The following RECQL5 variants were observed in gnomAD, a reference collection of about 807,000 sequenced individuals.
RECQL5 encodes RecQ like helicase 5.
Under a neutral mutation model 103.4 loss-of-function variants are expected in RECQL5, and 88 were observed. The observed-to-expected ratio is 0.85, with a 90% CI of 0.72 to 1.02. RECQL5 has a LOEUF of 1.02. Ranked by LOEUF, RECQL5 falls within the 50% of genes least tolerant of loss-of-function variation. The pLI is 0.00. For synonymous variants in RECQL5, 552 were observed against 507.9 expected (o/e 1.09, Z -1.17); for missense variants, 1,232 against 1,284.3 (o/e 0.96, Z 0.62).
At chr17:75,632,758 G>A (rs1017096832) in intron 8 of RECQL5, among the ~76,000 whole-genome samples, 41 of 152,362 alleles carry the variant, frequency 2.7e-4, no homozygotes, top group Non-Finnish European at 5.7e-4. Context: ...GCTCTCTCAG[G>A]CTCCTTATAA....
chr17:75,659,453 C>T (rs1446413558), intron 6 of RECQL5, among the ~76,000 whole-genome samples: 1 of 152,208 alleles, frequency 6.6e-6, no homozygotes. Flanking sequence ...AACCCCCGGC[C>T]TCAAGCAATC....
intron 7 of RECQL5, among the ~76,000 whole-genome samples, chr17:75,657,900 T>TATTTCTACTAAAAATACA (rs1467745905): frequency 1.5e-4 from 23 of 151,828 alleles, no homozygotes; most frequent in African/African-American, 5.3e-4. Flanking sequence ...ATACAAGAAT[T>TATTTCTACTAAAAATACA]AGCTGGGCAT....
At chr17:75,630,715 G>C in intron 12 of RECQL5, 23 bp from the exon 13 acceptor site, 1 of 1,611,188 alleles carries the variant, frequency 6.2e-7, no homozygotes. Context: ...AGTGAGACTG[G>C]TCGCATGGCC....
At chr17:75,627,741 C>G in intron 18 of RECQL5, 49 bp from the exon 19 acceptor site, 1 of 1,533,936 alleles carries the variant, frequency 6.5e-7, no homozygotes, top group Non-Finnish European at 8.9e-7. Context: ...CCTTGGTGGC[C>G]GGGCGCAGTG....
chr17:75,650,543 C>A, intron 8 of RECQL5: 1 of 1,502,644 alleles, frequency 6.7e-7, no homozygotes, highest in Non-Finnish European at 9.0e-7. Context: ...ATCACGTCAG[C>A]GTCATCCGAC....
rs186979543 is a variant in RECQL5 at position 75,638,907 on chromosome 17, C to T, written c.1230-7239G>A. On this transcript the variant is annotated intron_variant, in intron 8 of 19. Coordinates refer to ENST00000317905, the MANE Select transcript of RECQL5 (RefSeq NM_004259.7). ...CTGCCATCTTGCTCCTGAAGGGCTA[C>T]GAGGCAGAAGAGGGGGCAAGGTCTA... The T allele has an allele frequency of 8.8e-4, 134 of 152,394 alleles. 1 individual carries two copies. In the South Asian group the frequency reaches 0.017, roughly 20 times the overall value. The allele number at this position is 152,394 out of a possible 1,614,324, so 9.4% of individuals were successfully genotyped here.
chr17:75,644,625 C>T (rs1015441339), intron 8 of RECQL5, among the ~76,000 whole-genome samples: 8 of 152,094 alleles, frequency 5.3e-5, no homozygotes, highest in South Asian at 4.2e-4. Context: ...AATAAAGCCA[C>T]GGATACAAGA....
In RECQL5 at chr17:75,629,534, G is replaced by A. The variant is rs555886205; in HGVS notation, c.1948-59C>T. On this transcript the variant is annotated intron_variant, in intron 15 of 19. Coordinates refer to ENST00000317905, the MANE Select transcript of RECQL5 (RefSeq NM_004259.7). Reference sequence around the variant, plus strand: ...CCCACTAGGCCCCCTTGAGGGCACCGCTGGCTGGAGCAGTAACTCACATTG... The same window carrying A: ...CCCACTAGGCCCCCTTGAGGGCACCACTGGCTGGAGCAGTAACTCACATTG... 1.8e-5 allele frequency: 27 copies of A among 1,496,036 alleles called. No homozygotes were observed. In the South Asian group the frequency reaches 2.2e-4, roughly 12 times the overall value. 92.7% of individuals were successfully genotyped at this position (1,496,036 alleles called of 1,614,324 possible). A position where few individuals can be genotyped will look rare whatever the true frequency, so the allele number is the denominator to read the frequency against.
At position 75,630,851 on chromosome 17, in the gene RECQL5, G is replaced by A. The variant is rs763076036; in HGVS notation, c.1586-14C>T. On this transcript the variant is annotated splice_polypyrimidine_tract_variant and intron_variant, in intron 11 of 19. Coordinates refer to ENST00000317905, the MANE Select transcript of RECQL5 (RefSeq NM_004259.7). ...GACAGTTCTCATCTGTGGGGGGGGG[G>A]GGTGGTCCTTGGTCCTTTCGCTCCA... 12 of 1,448,000 alleles carry A rather than the reference G, an allele frequency of 8.3e-6. No homozygotes were observed. The highest frequency in any genetic ancestry group is 1.1e-5 in the Non-Finnish European group (12 of 1,072,784). 89.7% of individuals were successfully genotyped at this position (1,448,000 alleles called of 1,614,324 possible).
chr17:75,627,235 A>C lies in RECQL5; in HGVS notation c.*187T>G. 1.5e-6 allele frequency: 1 copy of C among 672,686 alleles called. No homozygotes were observed. The highest frequency in any genetic ancestry group is 2.7e-6 in the Non-Finnish European group (1 of 368,724). 41.7% of individuals were successfully genotyped at this position (672,686 alleles called of 1,614,324 possible). A position where few individuals can be genotyped will look rare whatever the true frequency, so the allele number is the denominator to read the frequency against. On this transcript the variant is annotated 3_prime_UTR_variant, in exon 20 of 20. Transcript: ENST00000317905. The stretch of plus-strand genomic sequence containing the variant: ...AGAAGGGTCTATAGGCTTTGCAAGC[A>C]GAAAGAAAGGTGGGCTGACCTCTGA...
At chr17:75,635,871 T>G in intron 8 of RECQL5, 3 of 985,204 alleles carry the variant, frequency 3.0e-6, no homozygotes, top group Middle Eastern at 1.0e-3. Context: ...GGGGTTGGAG[T>G]ATCAGCTCTG....
intron 7 of RECQL5, among the ~76,000 whole-genome samples, chr17:75,657,973 G>A (rs542194691): frequency 3.3e-5 from 5 of 152,106 alleles, no homozygotes; most frequent in African/African-American, 4.8e-5. Flanking sequence ...GCTTGAACCC[G>A]GGAGGCGGAG....
chr17:75,664,698 A>C (rs2148348061), intron 3 of RECQL5, among the ~76,000 whole-genome samples: 1 of 152,230 alleles, frequency 6.6e-6, no homozygotes, highest in African/African-American at 2.4e-5. Flanking sequence ...GGATCATTTG[A>C]GGTCAGGAGT....
intron 3 of RECQL5, 134 bp from the exon 4 acceptor site, chr17:75,663,131 G>T: frequency 1.2e-6 from 1 of 866,060 alleles, no homozygotes; most frequent in Non-Finnish European, 1.8e-6. Flanking sequence ...CATAGAAGTA[G>T]TAGAGGTTGA....
At chr17:75,658,861 T>C (rs544890300) in intron 6 of RECQL5, among the ~76,000 whole-genome samples, 8 of 152,308 alleles carry the variant, frequency 5.3e-5, no homozygotes, top group African/African-American at 1.7e-4. Flanking sequence ...CCAGTTTATA[T>C]ATGTCTCATT....
rs1297449734 is a variant in RECQL5, at chr17:75,640,467, C to G, written c.1230-8799G>C. 1.5e-6 allele frequency: 2 copies of G among 1,329,696 alleles called. No individual in the cohort carries two copies. The highest frequency in any genetic ancestry group is 2.0e-6 in the Non-Finnish European group (2 of 999,326). The allele number at this position is 1,329,696 out of a possible 1,614,324, so 82.4% of individuals were successfully genotyped here. A position where few individuals can be genotyped will look rare whatever the true frequency, so the allele number is the denominator to read the frequency against. On this transcript the variant is annotated intron_variant, in intron 8 of 19. Transcript: ENST00000317905. This position sits in a 1 kb window ranked among gnomAD's most constrained non-coding sequence, Gnocchi z 4.6. Reference sequence around the variant, plus strand: ...AAAACCAGTTGTCCCTTGGGGGAAGCCAAGGGACTTCCCTCATCCTCTGAT... The same window carrying G: ...AAAACCAGTTGTCCCTTGGGGGAAGGCAAGGGACTTCCCTCATCCTCTGAT...
chr17:75,664,010 C>T (rs894140396), intron 3 of RECQL5, among the ~76,000 whole-genome samples: 28 of 147,488 alleles, frequency 1.9e-4, no homozygotes, highest in Non-Finnish European at 3.4e-4. Context: ...GCCGAGAACA[C>T]GCCATTGCAC....
intron 8 of RECQL5, chr17:75,633,285 C>T (rs1028536313): frequency 8.8e-6 from 4 of 454,716 alleles, no homozygotes; most frequent in South Asian, 2.1e-5. Context: ...GTTTTGTGCT[C>T]GGACTCAAAG....
intron 17 of RECQL5, 77 bp from the exon 18 acceptor site, chr17:75,628,519 C>T: frequency 2.6e-6 from 4 of 1,547,106 alleles, no homozygotes; most frequent in Non-Finnish European, 3.5e-6. Context: ...AAGACTGGGT[C>T]CCCGCACCAG....
Sources: allele counts gnomAD v4.1 joint callset (sites outside exome capture counted in the v4.1 genomes callset), GRCh38; gene constraint gnomAD v4.1.1; non-coding constraint Gnocchi (gnomAD v3.1); transcripts MANE v1.5; gene names NCBI Gene and HGNC (gene_info 2026-07-23, HGNC 2026-07-21).